The following NCKAP5 variants were observed in gnomAD, a reference collection of about 807,000 sequenced individuals.
NCKAP5 encodes NCK associated protein 5, also known as nck-associated protein 5.
NCKAP5 carries 92 observed loss-of-function variants against 167.0 expected under a neutral mutation model. The ratio of observed to expected loss-of-function variants is 0.55; its 90% CI spans 0.47 to 0.66. NCKAP5 has a LOEUF of 0.66. NCKAP5 is among the 30% of genes least tolerant of loss of function. NCKAP5 has a pLI of 0.00. For missense variants in NCKAP5, 2,378 were observed against 2,315.0 expected, an observed-to-expected ratio of 1.03 and a Z score of -0.56; for synonymous variants, 891 against 877.4, an observed-to-expected ratio of 1.02 and a Z score of -0.27.
At chr2:132,926,162 A>G (rs1283862810) in intron 8 of NCKAP5, 1 of 369,688 alleles carries the variant, frequency 2.7e-6, no homozygotes, top group African/African-American at 2.1e-5. Context: ...TCTGTTTCTG[A>G]GTTATTTCTC....
At chr2:133,605,028 T>C in the NCKAP5 span, among the ~76,000 whole-genome samples, 2 of 152,226 alleles carry the variant, frequency 1.3e-5, no homozygotes, top group South Asian at 2.1e-4. Context: ...TTTCTCAAGA[T>C]TGAAACTAGG....
At chr2:132,974,474 T>C (rs1054037335) in intron 7 of NCKAP5, among the ~76,000 whole-genome samples, 1 of 152,190 alleles carries the variant, frequency 6.6e-6, no homozygotes, top group Non-Finnish European at 1.5e-5. Context: ...AAGGGCGATA[T>C]AGGGCAAATA....
At chr2:133,162,552 T>C (rs1193799009) in intron 5 of NCKAP5, among the ~76,000 whole-genome samples, 1 of 152,192 alleles carries the variant, frequency 6.6e-6, no homozygotes, top group Admixed American at 6.5e-5. Flanking sequence ...CAGCATAATC[T>C]ACAGAAGCCC....
chr2:132,886,794 G>A (rs1692258569), intron 8 of NCKAP5, among the ~76,000 whole-genome samples: 1 of 152,112 alleles, frequency 6.6e-6, no homozygotes, highest in Non-Finnish European at 1.5e-5. Flanking sequence ...ATTACTACAG[G>A]TGGAGTATCT....
intron 8 of NCKAP5, among the ~76,000 whole-genome samples, chr2:132,920,795 A>G (rs796839904): frequency 0.042 from 4,179 of 100,430 alleles, 366 homozygotes; most frequent in Non-Finnish European, 0.062. Context: ...ATATATATAT[A>G]TATATATATA....
the NCKAP5 span, among the ~76,000 whole-genome samples, chr2:133,644,779 T>C: frequency 6.6e-6 from 1 of 152,218 alleles, no homozygotes; most frequent in African/African-American, 2.4e-5. Flanking sequence ...CAAACTTGCA[T>C]AGTTCAGCAC....
intron 6 of NCKAP5, among the ~76,000 whole-genome samples, chr2:133,102,439 G>T (rs775528519): frequency 2.0e-5 from 3 of 152,096 alleles, no homozygotes; most frequent in African/African-American, 7.2e-5. Context: ...GAGCCATCAC[G>T]CCTGGCCTTT....
intron 3 of NCKAP5, among the ~76,000 whole-genome samples, chr2:133,413,006 T>G (rs965937675): frequency 4.6e-5 from 7 of 151,728 alleles, no homozygotes; most frequent in Admixed American, 4.6e-4. Flanking sequence ...AATATGAGAG[T>G]CCTGTGAGCC....
At chr2:133,126,376 G>T (rs146218658) in intron 6 of NCKAP5, among the ~76,000 whole-genome samples, 1 of 152,192 alleles carries the variant, frequency 6.6e-6, no homozygotes, top group Admixed American at 6.6e-5. Flanking sequence ...TATTAGAAAA[G>T]CACATGTATA....
chr2:133,591,246 C>T, the NCKAP5 span, among the ~76,000 whole-genome samples: 4 of 152,126 alleles, frequency 2.6e-5, no homozygotes, highest in Non-Finnish European at 4.4e-5. Flanking sequence ...AACTAAGAGC[C>T]CAAATAAACA....
In NCKAP5 at chr2:132,878,829, G is replaced by A; in HGVS notation, c.648+19C>T. 1 of 1,598,648 alleles carries A rather than the reference G, an allele frequency of 6.3e-7. No homozygotes were observed. ...CAACTAGTCCAGCCTTGGATCAGGA[G>A]CCTCTCCATCCCCCTTACCTCATCA... On this transcript the variant is annotated intron_variant, in intron 9 of 19. Coordinates refer to ENST00000409261, the MANE Select transcript of NCKAP5 (RefSeq NM_207363.3).
intron 3 of NCKAP5, among the ~76,000 whole-genome samples, chr2:133,320,359 C>T (rs770688905): frequency 6.6e-6 from 1 of 152,170 alleles, no homozygotes; most frequent in Non-Finnish European, 1.5e-5. Flanking sequence ...TAAATGTCCC[C>T]ACTTGTCACG....
At chr2:132,831,733 T>C (rs1687536246) in intron 11 of NCKAP5, among the ~76,000 whole-genome samples, 1 of 152,044 alleles carries the variant, frequency 6.6e-6, no homozygotes, top group Non-Finnish European at 1.5e-5. Context: ...ATTGGCTTGG[T>C]TTTGTATTTA....
intron 7 of NCKAP5, among the ~76,000 whole-genome samples, chr2:132,982,756 A>G (rs1038569429): frequency 6.6e-6 from 1 of 152,170 alleles, no homozygotes; most frequent in South Asian, 2.1e-4. Flanking sequence ...AAGTGACAAC[A>G]TGTGGTATTT....
At chr2:133,396,891 A>G (rs1427014537) in intron 3 of NCKAP5, among the ~76,000 whole-genome samples, 5 of 152,204 alleles carry the variant, frequency 3.3e-5, no homozygotes, top group African/African-American at 1.2e-4. Flanking sequence ...CGTCAGACAG[A>G]CTTCAATTGA....
intron 2 of NCKAP5, among the ~76,000 whole-genome samples, chr2:133,530,944 G>A (rs1685310535): frequency 6.6e-6 from 1 of 152,168 alleles, no homozygotes; most frequent in African/African-American, 2.4e-5. Flanking sequence ...ATAAACAGAG[G>A]CTGATGAGTG....
At chr2:133,459,395 C>T (rs1372369414) in intron 3 of NCKAP5, among the ~76,000 whole-genome samples, 1 of 152,090 alleles carries the variant, frequency 6.6e-6, no homozygotes, top group African/African-American at 2.4e-5. Flanking sequence ...AACAATTTCT[C>T]TTTGGCTTAT....
chr2:133,576,257 TTAA>T, the NCKAP5 span, among the ~76,000 whole-genome samples: 1 of 152,176 alleles, frequency 6.6e-6, no homozygotes. Flanking sequence ...AGCCACTTGT[TTAA>T]TAAAGATTGT....
the NCKAP5 span, chr2:133,596,040 T>C: frequency 6.6e-6 from 1 of 152,218 alleles, no homozygotes; most frequent in Admixed American, 6.5e-5. Flanking sequence ...ATAAAATTAT[T>C]TTCCTAAAAA....
Sources: allele counts gnomAD v4.1 joint callset (sites outside exome capture counted in the v4.1 genomes callset), GRCh38; gene constraint gnomAD v4.1.1; transcripts MANE v1.5; gene names NCBI Gene and HGNC (gene_info 2026-07-23, HGNC 2026-07-21).